CCBE1: variants seen among roughly 807,000 people sequenced by gnomAD.
CCBE1 encodes the protein collagen and calcium-binding EGF domain-containing protein 1.
In CCBE1, 37 loss-of-function variants were observed where a neutral mutation model predicts 50.0. The ratio of observed to expected loss-of-function variants is 0.74; its 90% CI spans 0.57 to 0.97. The LOEUF (loss-of-function observed/expected upper bound fraction) is 0.97. Among genes scored for constraint, CCBE1 ranks in the 50% least tolerant of loss-of-function variants. CCBE1 has a pLI of 0.00. For missense variants in CCBE1, 538 were observed against 523.8 expected, an observed-to-expected ratio of 1.03 and a Z score of -0.26; for synonymous variants, 234 against 203.7, an observed-to-expected ratio of 1.15 and a Z score of -1.27.
chr18:59,697,619 T>C, upstream of CCBE1: 1 of 448,338 alleles, frequency 2.2e-6, no homozygotes, highest in Non-Finnish European at 4.0e-6. Flanking sequence ...GTTCAAGTTG[T>C]CTCGTCGGGA....
intron 2 of CCBE1, among the ~76,000 whole-genome samples, chr18:59,656,579 G>C (rs776689622): frequency 1.1e-4 from 16 of 152,172 alleles, no homozygotes; most frequent in Non-Finnish European, 1.9e-4. Flanking sequence ...ATGAATTCCA[G>C]GTCATTAGTT....
rs1910176414 is a variant in CCBE1 at position 59,436,774 on chromosome 18, A to C, written c.988-633T>G. ...GCTTGAGCCCAGGAGTTCAAGACCA[A>C]CCTGGAAAACATGGTGAAACCCTGT... On this transcript the variant is annotated intron_variant, in intron 10 of 10. Transcript: ENST00000439986. Among the ~76,000 whole-genome samples the C allele has an allele frequency of 2.0e-5, 3 of 152,118 alleles. No homozygotes were observed. In the South Asian group the frequency reaches 6.2e-4, roughly 32 times the overall value.
At chr18:59,557,117 G>A (rs1394418282) in intron 2 of CCBE1, among the ~76,000 whole-genome samples, 1 of 152,152 alleles carries the variant, frequency 6.6e-6, no homozygotes, top group East Asian at 1.9e-4. Flanking sequence ...CAACTTCTCT[G>A]CATCCCAGGC....
intron 2 of CCBE1, among the ~76,000 whole-genome samples, chr18:59,653,308 T>TC (rs2054149136): frequency 6.6e-6 from 1 of 152,210 alleles, no homozygotes; most frequent in Non-Finnish European, 1.5e-5. Flanking sequence ...TGAAGGTCCT[T>TC]CCTTCAAGAA....
chr18:59,454,643 C>T (rs1911094434), intron 6 of CCBE1, among the ~76,000 whole-genome samples: 1 of 152,262 alleles, frequency 6.6e-6, no homozygotes, highest in Non-Finnish European at 1.5e-5. Flanking sequence ...ATAATTGCCT[C>T]TGCAATCCCT....
chr18:59,472,689 C>A (rs1187200929), intron 3 of CCBE1, among the ~76,000 whole-genome samples: 2 of 152,196 alleles, frequency 1.3e-5, no homozygotes, highest in African/African-American at 4.8e-5. Context: ...TAGGGATGCC[C>A]ATCACCTCCC....
At chr18:59,589,255 A>G (rs1468636139) in intron 2 of CCBE1, among the ~76,000 whole-genome samples, 1 of 152,196 alleles carries the variant, frequency 6.6e-6, no homozygotes, top group Non-Finnish European at 1.5e-5. Context: ...TAGTTCATCA[A>G]TATGGGCCAC....
At chr18:59,669,101 G>T (rs1429965915) in intron 2 of CCBE1, among the ~76,000 whole-genome samples, 1 of 152,068 alleles carries the variant, frequency 6.6e-6, no homozygotes, top group Non-Finnish European at 1.5e-5. Flanking sequence ...CTCCCAAAGT[G>T]CTGGGATTAC....
chr18:59,696,772 G>C (rs1412907346), intron 1 of CCBE1, 63 bp from the exon 2 acceptor site: 2 of 1,553,986 alleles, frequency 1.3e-6, no homozygotes, highest in African/African-American at 1.4e-5. Context: ...GGCAGCGCGC[G>C]CTGGGGAATC....
chr18:59,536,009 G>A (rs563601600), intron 2 of CCBE1, among the ~76,000 whole-genome samples: 88 of 152,172 alleles, frequency 5.8e-4, no homozygotes, highest in Non-Finnish European at 1.2e-3. Context: ...CTATGAGGAG[G>A]AGAAAGAAAC....
At chr18:59,566,471 A>C (rs1031688327) in intron 2 of CCBE1, among the ~76,000 whole-genome samples, 2 of 152,322 alleles carry the variant, frequency 1.3e-5, no homozygotes, top group African/African-American at 4.8e-5. Flanking sequence ...TCAACCTAAG[A>C]TGATGGAAGT....
intron 2 of CCBE1, among the ~76,000 whole-genome samples, chr18:59,681,555 T>C (rs1056333624): frequency 1.3e-5 from 2 of 152,162 alleles, no homozygotes; most frequent in Admixed American, 1.3e-4. Context: ...TCACCCTGTG[T>C]TCTGCTATCC....
chr18:59,630,856 C>G (rs2053840788), intron 2 of CCBE1, among the ~76,000 whole-genome samples: 1 of 152,214 alleles, frequency 6.6e-6, no homozygotes, highest in African/African-American at 2.4e-5. Context: ...TACCTAACAA[C>G]TCAATCATTT....
intron 3 of CCBE1, among the ~76,000 whole-genome samples, chr18:59,471,194 C>T (rs1289767533): frequency 6.6e-6 from 1 of 152,220 alleles, no homozygotes; most frequent in African/African-American, 2.4e-5. Flanking sequence ...ATCATGGTGC[C>T]TAACAAGGCA....
intron 2 of CCBE1, among the ~76,000 whole-genome samples, chr18:59,681,803 G>A (rs2054591940): frequency 6.6e-6 from 1 of 152,242 alleles, no homozygotes. Flanking sequence ...TGGCTATCAT[G>A]TTTGTAAGGC....
chr18:59,533,081 CT>C (rs1174124774), intron 2 of CCBE1, among the ~76,000 whole-genome samples: 1 of 152,154 alleles, frequency 6.6e-6, no homozygotes. Flanking sequence ...CCTAAGTTCT[CT>C]TTTTTCCCCC....
intron 2 of CCBE1, among the ~76,000 whole-genome samples, chr18:59,534,302 T>C (rs4940466): frequency 0.28 from 42,328 of 152,164 alleles, 6,085 homozygotes; most frequent in African/African-American, 0.33. Flanking sequence ...AAAGTAAAAA[T>C]GTATTGAATC....
intron 2 of CCBE1, among the ~76,000 whole-genome samples, chr18:59,579,351 A>G (rs2053049643): frequency 1.3e-5 from 2 of 152,074 alleles, no homozygotes; most frequent in Non-Finnish European, 2.9e-5. Context: ...TTTCCTATGA[A>G]CAGCTATTCT....
At chr18:59,549,893 C>T (rs538467935) in intron 2 of CCBE1, among the ~76,000 whole-genome samples, 7 of 152,302 alleles carry the variant, frequency 4.6e-5, no homozygotes, top group African/African-American at 1.7e-4. Context: ...ATTATCCTCC[C>T]CATCATGCAG....
Sources: gnomAD v4.1 joint callset for allele counts (sites outside exome capture counted in the v4.1 genomes callset) on GRCh38, gnomAD v4.1.1 for gene constraint, MANE v1.5 for transcripts, NCBI Gene and HGNC (gene_info 2026-07-23, HGNC 2026-07-21) for gene names.